TLN1: variants seen among roughly 807,000 people sequenced by gnomAD.
TLN1 encodes talin-1.
A neutral mutation model predicts 292.3 loss-of-function variants in TLN1; 56 were observed. The ratio of observed to expected loss-of-function variants is 0.19; its 90% CI spans 0.15 to 0.24. The LOEUF (loss-of-function observed/expected upper bound fraction) is 0.24, where lower values mean the gene tolerates loss of function less well. Ranked by LOEUF, TLN1 falls within the 10% of genes least tolerant of loss-of-function variation. TLN1 has a pLI of 1.00. For synonymous variants in TLN1, 1,119 were observed against 1,253.7 expected, an observed-to-expected ratio of 0.89 and a Z score of 2.27; for missense variants, 2,433 against 3,248.2, an observed-to-expected ratio of 0.75 and a Z score of 6.10.
chr9:35,720,222 G>A lies in TLN1; in HGVS notation c.1284-3C>T, dbSNP rs753910962. The A allele has an allele frequency of 6.3e-7, 1 of 1,577,982 alleles. No homozygotes were observed. Among genetic ancestry groups the A allele is most frequent in the Admixed American group, 1.8e-5 (1 of 54,534 alleles). ...ATTGCTGCTGCAGGACTGTTGACCT[G>A]TAGAGGGGTGAACTATTGAGCTCAC... On this transcript the variant is annotated splice_region_variant and splice_polypyrimidine_tract_variant and intron_variant, in intron 12 of 56. Coordinates refer to ENST00000314888, the MANE Select transcript of TLN1 (RefSeq NM_006289.4).
chr9:35,708,582 G>A, intron 33 of TLN1, 98 bp from the exon 34 acceptor site: 1 of 1,236,610 alleles, frequency 8.1e-7, no homozygotes, highest in South Asian at 2.3e-5. Context: ...TAAGTTTAGA[G>A]AATAGGGCTT....
intron 33 of TLN1, 54 bp from the exon 34 acceptor site, chr9:35,708,538 G>A: frequency 6.8e-7 from 1 of 1,478,940 alleles, no homozygotes; most frequent in Non-Finnish European, 9.1e-7. Flanking sequence ...GGTGGGAAAT[G>A]AATAGTGATA....
intron 19 of TLN1, 142 bp from the exon 20 acceptor site, chr9:35,716,698 T>C (rs1393442521): frequency 2.2e-6 from 2 of 901,636 alleles, no homozygotes; most frequent in Non-Finnish European, 3.2e-6. Context: ...AGCTCTTGCA[T>C]CATTTCTTTG....
chr9:35,716,974 G>A (rs1825796019), intron 19 of TLN1, among the ~76,000 whole-genome samples, 172 bp downstream of exon 19: 2 of 152,206 alleles, frequency 1.3e-5, no homozygotes, highest in Non-Finnish European at 2.9e-5. Context: ...TACAGAAGGG[G>A]AAGCAGAGGG....
rs1051468268 is a variant in TLN1 at position 35,697,398 on chromosome 9, C to G, written c.*393G>C. The stretch of plus-strand genomic sequence containing the variant: ...TTTGGGGCTTATAACTCTGCAGCCC[C>G]TATGGGTAGCTGGGGGTGGGGGAAG... On this transcript the variant is annotated 3_prime_UTR_variant, in exon 57 of 57. Transcript: ENST00000314888. 1.2e-4 allele frequency: 26 copies of G among 217,332 alleles called. No homozygotes were observed. Among genetic ancestry groups the G allele is most frequent in the African/African-American group, 5.8e-4 (25 of 43,294 alleles). 13.5% of individuals were successfully genotyped at this position (217,332 alleles called of 1,614,324 possible). A position where few individuals can be genotyped will look rare whatever the true frequency, so the allele number is the denominator to read the frequency against.
chr9:35,725,509 G>A lies in TLN1; in HGVS notation c.130+56C>T, dbSNP rs1825960906. On this transcript the variant is annotated intron_variant, in intron 2 of 56. Coordinates refer to ENST00000314888, the MANE Select transcript of TLN1 (RefSeq NM_006289.4). ...GGTCAACTCTCAAGGCCGAGAGCCTGGGAACAAGAAGGGACTGAAGACTCC... is the reference window on the plus strand; with the variant it reads ...GGTCAACTCTCAAGGCCGAGAGCCTAGGAACAAGAAGGGACTGAAGACTCC... The A allele has an allele frequency of 2.5e-6, 4 of 1,594,520 alleles. No individual in the cohort carries two copies. The Admixed American group carries it at 6.7e-5, about 27-fold the overall frequency.
Position 35,703,808 on chromosome 9 carries a change from G to C in TLN1, c.6324C>G (p.Asp2108Glu). 3 of 1,614,186 alleles carry C rather than the reference G, an allele frequency of 1.9e-6. No individual in the cohort carries two copies. The highest frequency in any genetic ancestry group is 2.5e-6 in the Non-Finnish European group (3 of 1,180,036). ...TKAAAGKVGDDPAVWQLKNSA... is the reference protein window; with the variant it reads ...TKAAAGKVGDEPAVWQLKNSA... ...AGTTCTTTAGCTGCCACACAGCAGGGTCATCTCCAACTTTGCCAGCTGCAG... is the reference window on the plus strand; with the variant it reads ...AGTTCTTTAGCTGCCACACAGCAGGCTCATCTCCAACTTTGCCAGCTGCAG... Residue 2108 changes from aspartate (D) to glutamate (E), a missense_variant, in exon 47 of 57, where the codon GAC becomes GAG. Coordinates refer to ENST00000314888, the MANE Select transcript of TLN1 (RefSeq NM_006289.4).
intron 1 of TLN1, among the ~76,000 whole-genome samples, chr9:35,726,960 C>T (rs765485340): frequency 2.0e-5 from 3 of 152,194 alleles, no homozygotes; most frequent in Non-Finnish European, 4.4e-5. Flanking sequence ...AAGTCTGTCT[C>T]GAATTCTGCT....
rs779227684 is a variant in TLN1 at position 35,720,054 on chromosome 9, T to G, written c.1449A>C (p.Gly483=). ...GGACACTTACCAGAGGAGGCATGTG[T>G]CCTCGGTGCATCTGGCCGCTGGTAA... ...QQITSGQMHR[G]HMPPLTSAQQ... The change falls in exon 13 of 57, where the codon GGA becomes GGC. Residue 483 remains glycine, a synonymous_variant. Coordinates refer to ENST00000314888, the MANE Select transcript of TLN1 (RefSeq NM_006289.4). 8.8e-6 allele frequency: 14 copies of G among 1,593,038 alleles called. No homozygotes were observed. The highest frequency in any genetic ancestry group is 8.5e-7 in the Non-Finnish European group (1 of 1,170,280).
chr9:35,716,036 T>C (rs1448594795), intron 20 of TLN1, among the ~76,000 whole-genome samples: 1 of 152,054 alleles, frequency 6.6e-6, no homozygotes, highest in Non-Finnish European at 1.5e-5. Flanking sequence ...ATGTACCTCA[T>C]GAATATGTAA....
intron 20 of TLN1, 88 bp from the exon 21 acceptor site, chr9:35,715,275 A>G (rs560733251): frequency 6.6e-7 from 1 of 1,509,484 alleles, no homozygotes; most frequent in South Asian, 1.3e-5. Context: ...ACTCAGTTTA[A>G]AATTCATGTA....
rs1825911680 is a variant in TLN1 at position 35,723,334 on chromosome 9, C to G, written c.783-413G>C. On this transcript the variant is annotated intron_variant, in intron 7 of 56. Coordinates refer to ENST00000314888, the MANE Select transcript of TLN1 (RefSeq NM_006289.4). ...GTCAGGCTGGTCTCGAACTCCCGAC[C>G]TCAGGTGATCTGCCCGCCCTGGCCT... 1.5e-5 allele frequency: 3 copies of G among 201,758 alleles called. No homozygotes were observed. In the South Asian group the frequency reaches 2.3e-4, roughly 15 times the overall value. 12.5% of individuals were successfully genotyped at this position (201,758 alleles called of 1,614,324 possible).
rs1345693789 is a variant in TLN1 at position 35,715,145 on chromosome 9, G to A, written c.2668C>T (p.Leu890=). ...CGCAGCCCCTCAGCTGCCTCCCGCA[G>A]CCGCTGCTGCTGCTCCTCACTGTCA... The part of the protein sequence containing the change: ...HPDSEEQQQR[L]REAAEGLRMA... The change falls in exon 21 of 57, where the codon CTG becomes TTG. Residue 890 remains leucine (L), a synonymous_variant. Transcript: ENST00000314888. The A allele has an allele frequency of 6.2e-7, 1 of 1,612,928 alleles. No individual in the cohort carries two copies. The highest frequency in any genetic ancestry group is 1.1e-5 in the South Asian group (1 of 91,062).
rs575330530 is a variant in TLN1, at chr9:35,713,112, G to A, written c.3353-69C>T. On this transcript the variant is annotated intron_variant, in intron 26 of 56. Transcript: ENST00000314888. ...GCCAGGCCCTGATTCCAGTGGTTTCGTCTGTCAGTCCCATCCCTCATCCAG... is the reference window on the plus strand; with the variant it reads ...GCCAGGCCCTGATTCCAGTGGTTTCATCTGTCAGTCCCATCCCTCATCCAG... 8.7e-5 allele frequency: 136 copies of A among 1,570,098 alleles called. No individual in the cohort carries two copies. The East Asian group carries it at 8.7e-4, about 10-fold the overall frequency.
chr9:35,706,868 G>A lies in TLN1; in HGVS notation c.4988C>T (p.Thr1663Met), dbSNP rs144377720. Residue 1663 changes from threonine (T) to methionine (M), a missense_variant, in exon 38 of 57, where the codon ACG (threonine) becomes ATG (methionine). Physicochemically the swap from Thr to Met is moderately conservative, Grantham distance 81. Around this residue, in one of 7 missense-constraint regions of TLN1, gnomAD observed 1,384 missense variants for 1,699.6 expected, o/e 0.81. Coordinates refer to ENST00000314888, the MANE Select transcript of TLN1 (RefSeq NM_006289.4). This position sits in a 1 kb window ranked among gnomAD's most constrained non-coding sequence, Gnocchi z 4.2. Reference protein sequence around the residue: ...DKAPGQLECETAIAALNSCLR... With the variant: ...DKAPGQLECEMAIAALNSCLR... ...ACAACTGTTCAGAGCTGCAATGGCC[G>A]TTTCACACTCCAGCTGCCCTGGAGC... 17 of 1,613,876 alleles carry A rather than the reference G, an allele frequency of 1.1e-5. No homozygotes were observed. The highest frequency in any genetic ancestry group is 7.7e-5 in the South Asian group (7 of 91,086).
intron 1 of TLN1, among the ~76,000 whole-genome samples, chr9:35,730,950 C>G (rs1008392929): frequency 2.0e-5 from 3 of 152,134 alleles, no homozygotes; most frequent in Non-Finnish European, 2.9e-5. Flanking sequence ...AGGCCTTGTA[C>G]ATCCTGGGTC....
At position 35,724,076 on chromosome 9, in the gene TLN1, G is replaced by T; in HGVS notation, c.658C>A (p.Arg220=). Residue 220 remains arginine (R), a synonymous_variant, in exon 7 of 57, where the codon CGA becomes AGA. Transcript: ENST00000314888. The surrounding 1 kb of genome is among the most constrained non-coding windows in gnomAD (Gnocchi z 4.7). Reference sequence around the variant, plus strand: ...TGGGAGCCATTCAGGATGTCATCTCGTGCCTGGAGAGCACAGGGCAAGGAG... The same window carrying T: ...TGGGAGCCATTCAGGATGTCATCTCTTGCCTGGAGAGCACAGGGCAAGGAG... The part of the protein sequence containing the change: ...VQLNLLYVQA[R]DDILNGSHPV... 1 of 1,613,696 alleles carries T rather than the reference G, an allele frequency of 6.2e-7. No homozygotes were observed. Among genetic ancestry groups the T allele is most frequent in the Non-Finnish European group, 8.5e-7 (1 of 1,179,668 alleles).
At chr9:35,716,689 G>A (rs1825789401) in intron 19 of TLN1, 133 bp from the exon 20 acceptor site, 3 of 947,212 alleles carry the variant, frequency 3.2e-6, no homozygotes, top group Non-Finnish European at 4.6e-6. Context: ...ACTGGCAAAA[G>A]CTCTTGCATC....
chr9:35,713,415 G>C, intron 25 of TLN1, 117 bp from the exon 26 acceptor site: 3 of 750,616 alleles, frequency 4.0e-6, no homozygotes, highest in African/African-American at 1.7e-5. Flanking sequence ...TGGGTGCGAT[G>C]GCTCCCACCT....
Sources: gnomAD v4.1 joint callset for allele counts (sites outside exome capture counted in the v4.1 genomes callset) on GRCh38, gnomAD v4.1.1 for gene constraint, gnomAD v4.1.1 regional missense constraint, Gnocchi (gnomAD v3.1) non-coding constraint, MANE v1.5 for transcripts, NCBI Gene and HGNC (gene_info 2026-07-23, HGNC 2026-07-21) for gene names.